Variants in PVT1 observed in about 807,000 individuals in gnomAD.
PVT1 encodes the protein Pvt1 oncogene.
At chr8:127,815,547 G>A (rs889096536) in intron 2 of PVT1, among the ~76,000 whole-genome samples, 17 of 152,056 alleles carry the variant, frequency 1.1e-4, no homozygotes, top group Admixed American at 9.8e-4. Flanking sequence ...CAGTGCTTTC[G>A]GCAGCTTGAT....
rs375262953 is a variant in PVT1, at chr8:127,925,997, C to T, written n.782+34999C>T. The stretch of plus-strand genomic sequence containing the variant: ...GGAGCATGAGTTTGTGTTCTCAGCT[C>T]GTTTCATTTGATTTCAGATGTCAGC... On this transcript the variant is annotated intron_variant and non_coding_transcript_variant, in intron 3 of 10. Coordinates refer to ENST00000651587, the Ensembl canonical transcript of PVT1. Among the ~76,000 whole-genome samples, 17 of 152,210 alleles carry T rather than the reference C, an allele frequency of 1.1e-4. No individual in the cohort carries two copies. In the East Asian group the frequency reaches 1.2e-3, roughly 10 times the overall value.
chr8:127,994,340 C>T (rs923038359), intron 4 of PVT1, among the ~76,000 whole-genome samples: 1 of 152,188 alleles, frequency 6.6e-6, no homozygotes, highest in Non-Finnish European at 1.5e-5. Context: ...CTCACTGAAC[C>T]CACCTCCCCA....
At chr8:127,930,702 C>T (rs11985910) in intron 3 of PVT1, among the ~76,000 whole-genome samples, 41,863 of 151,904 alleles carry the variant, frequency 0.28, 6,571 homozygotes, top group East Asian at 0.5. Flanking sequence ...TCTTTCCCTT[C>T]GTACCCCCTC....
intron 2 of PVT1, among the ~76,000 whole-genome samples, chr8:127,817,546 T>TAC (rs1554588971): frequency 9.0e-4 from 81 of 89,940 alleles, no homozygotes; most frequent in African/African-American, 2.6e-3. Context: ...TATATATATA[T>TAC]ACACACACAC....
intron 2 of PVT1, among the ~76,000 whole-genome samples, chr8:127,876,153 G>A (rs1179981905): frequency 6.6e-6 from 1 of 152,204 alleles, no homozygotes; most frequent in Non-Finnish European, 1.5e-5. Context: ...TGACCTAGAG[G>A]GGAAGACTGG....
At chr8:127,821,434 C>A (rs796678677) in intron 2 of PVT1, among the ~76,000 whole-genome samples, 26 of 152,176 alleles carry the variant, frequency 1.7e-4, no homozygotes, top group African/African-American at 5.8e-4. Context: ...GATAAGATTT[C>A]GATATACTAA....
At chr8:128,084,657 A>G (rs989593723) in intron 5 of PVT1, among the ~76,000 whole-genome samples, 3 of 152,236 alleles carry the variant, frequency 2.0e-5, no homozygotes, top group Non-Finnish European at 4.4e-5. Context: ...ACAAAGAGCC[A>G]TTTTAGGTTA....
chr8:127,833,840 A>G (rs995043110), intron 2 of PVT1, among the ~76,000 whole-genome samples: 1 of 152,180 alleles, frequency 6.6e-6, no homozygotes, highest in African/African-American at 2.4e-5. Context: ...AGTTAATATT[A>G]TCAGTCCTGT....
intron 3 of PVT1, among the ~76,000 whole-genome samples, chr8:127,920,094 A>G (rs1816039090): frequency 6.6e-6 from 1 of 152,210 alleles, no homozygotes; most frequent in Non-Finnish European, 1.5e-5. Flanking sequence ...GTGTTCCTGC[A>G]GACAGAGCTT....
intron 3 of PVT1, among the ~76,000 whole-genome samples, chr8:127,968,769 A>G (rs1816730489): frequency 6.6e-6 from 1 of 152,112 alleles, no homozygotes; most frequent in Non-Finnish European, 1.5e-5. Context: ...CTCTTAATCC[A>G]ATGAAGGATG....
intron 4 of PVT1, among the ~76,000 whole-genome samples, chr8:128,056,552 A>G (rs2130114096): frequency 6.6e-6 from 1 of 152,200 alleles, no homozygotes; most frequent in East Asian, 1.9e-4. Flanking sequence ...GCCCCAGTGT[A>G]TTTGAGAAAA....
At chr8:127,899,594 T>C (rs942802725) in intron 3 of PVT1, among the ~76,000 whole-genome samples, 2 of 152,200 alleles carry the variant, frequency 1.3e-5, no homozygotes, top group Non-Finnish European at 2.9e-5. Flanking sequence ...TCTGTGGGAT[T>C]GCATTTCATC....
chr8:127,909,465 G>A (rs1437056393), intron 3 of PVT1, among the ~76,000 whole-genome samples: 2 of 152,292 alleles, frequency 1.3e-5, no homozygotes, highest in East Asian at 3.9e-4. Context: ...TACCTTCTGA[G>A]CCTTGTTTTT....
intron 4 of PVT1, among the ~76,000 whole-genome samples, chr8:128,054,619 G>A (rs1484284881): frequency 1.3e-5 from 2 of 152,120 alleles, no homozygotes; most frequent in Non-Finnish European, 2.9e-5. Context: ...TTCCTTGATG[G>A]GTTCAATGTG....
chr8:127,832,674 T>A (rs552961825), intron 2 of PVT1, among the ~76,000 whole-genome samples: 1 of 152,038 alleles, frequency 6.6e-6, no homozygotes, highest in Admixed American at 6.5e-5. Flanking sequence ...CTGGCTAACA[T>A]GGTGAAACCC....
intron 4 of PVT1, among the ~76,000 whole-genome samples, chr8:127,996,148 A>C (rs76741786): frequency 0.019 from 2,924 of 152,094 alleles, 41 homozygotes; most frequent in South Asian, 0.035. Flanking sequence ...ATTTGAGGAG[A>C]TAGGAAAAGC....
rs949551990 is a variant in PVT1 at position 127,829,282 on chromosome 8, GA to G, written n.372+33219del. Among the ~76,000 whole-genome samples the G allele has an allele frequency of 2.3e-3, 344 of 151,586 alleles. 2 individuals are homozygous for G. The highest frequency in any genetic ancestry group is 7.9e-3 in the African/African-American group (325 of 41,378). On this transcript the variant is annotated intron_variant and non_coding_transcript_variant, in intron 2 of 10. Transcript: ENST00000651587. ...ATAAGAGTGAGACTCCATCTCAGGG[GA>G]AAAAAAATGCATATTGCATAAAATA...
intron 2 of PVT1, among the ~76,000 whole-genome samples, chr8:127,797,251 C>T (rs1814408115): frequency 6.6e-6 from 1 of 152,192 alleles, no homozygotes; most frequent in Non-Finnish European, 1.5e-5. Flanking sequence ...AAGCTGGTCT[C>T]GAACATCTGA....
At chr8:127,836,116 A>G (rs1814906001) in intron 2 of PVT1, among the ~76,000 whole-genome samples, 1 of 152,004 alleles carries the variant, frequency 6.6e-6, no homozygotes, top group Admixed American at 6.6e-5. Flanking sequence ...ATTTCTCATC[A>G]CTGGATGCTG....
Sources: allele counts gnomAD v4.1 joint callset (sites outside exome capture counted in the v4.1 genomes callset), GRCh38; gene constraint gnomAD v4.1.1; transcripts MANE v1.5; gene names NCBI Gene and HGNC (gene_info 2026-07-23, HGNC 2026-07-21).